ADAMTS12: variants seen among roughly 807,000 people sequenced by gnomAD.
The protein encoded by ADAMTS12 is ADAM metallopeptidase with thrombospondin type 1 motif 12.
Under a neutral mutation model 167.8 loss-of-function variants are expected in ADAMTS12, and 118 were observed. The observed-to-expected ratio is 0.70, with a 90% CI of 0.61 to 0.82. The LOEUF (loss-of-function observed/expected upper bound fraction) is 0.82, where lower values mean the gene tolerates loss of function less well. ADAMTS12 is among the 40% of genes least tolerant of loss of function. The probability of loss-of-function intolerance (pLI) is 0.00; values close to 1 mark genes in which losing one functional copy is unlikely to be tolerated. For synonymous variants in ADAMTS12, 704 were observed against 716.9 expected, an observed-to-expected ratio of 0.98 and a Z score of 0.29; for missense variants, 1,916 against 1,998.8, an observed-to-expected ratio of 0.96 and a Z score of 0.79.
intron 2 of ADAMTS12, among the ~76,000 whole-genome samples, chr5:33,856,091 T>C (rs1561310938): frequency 1.3e-5 from 2 of 152,180 alleles, no homozygotes; most frequent in South Asian, 2.1e-4. Context: ...AGTTCTTCAC[T>C]GGAGATAGAA....
chr5:33,591,924 C>T (rs554758864), intron 17 of ADAMTS12, among the ~76,000 whole-genome samples: 70 of 152,176 alleles, frequency 4.6e-4, no homozygotes, highest in Middle Eastern at 3.4e-3. Context: ...CAACAAAAAA[C>T]TATCCAGCCC....
At chr5:33,650,645 A>G (rs1264247409) in intron 7 of ADAMTS12, among the ~76,000 whole-genome samples, 1 of 152,196 alleles carries the variant, frequency 6.6e-6, no homozygotes, top group Non-Finnish European at 1.5e-5. Flanking sequence ...GGGCTGACCC[A>G]GTGAAGCAGC....
At chr5:33,864,896 G>C (rs1169658033) in intron 2 of ADAMTS12, among the ~76,000 whole-genome samples, 3 of 151,954 alleles carry the variant, frequency 2.0e-5, no homozygotes, top group Admixed American at 6.6e-5. Flanking sequence ...GTAGATGACA[G>C]GTTGATGGGT....
chr5:33,707,770 AC>A (rs1237133732), intron 3 of ADAMTS12, among the ~76,000 whole-genome samples: 1 of 152,140 alleles, frequency 6.6e-6, no homozygotes, highest in Non-Finnish European at 1.5e-5. Flanking sequence ...CTGAAACTGG[AC>A]CCCTTCCTTA....
chr5:33,641,174 C>G (rs1740428110), intron 11 of ADAMTS12, among the ~76,000 whole-genome samples: 1 of 151,756 alleles, frequency 6.6e-6, no homozygotes, highest in African/African-American at 2.4e-5. Context: ...TTAAATTTAC[C>G]TCATATATAA....
chr5:33,704,028 G>A (rs1411245127), intron 3 of ADAMTS12, among the ~76,000 whole-genome samples: 1 of 152,092 alleles, frequency 6.6e-6, no homozygotes, highest in African/African-American at 2.4e-5. Flanking sequence ...TTTGTTCCTT[G>A]TTTTTTGCAT....
At chr5:33,704,905 T>A (rs2112304476) in intron 3 of ADAMTS12, among the ~76,000 whole-genome samples, 1 of 151,784 alleles carries the variant, frequency 6.6e-6, no homozygotes, top group East Asian at 1.9e-4. Flanking sequence ...AAGAAATCAT[T>A]TCCCAGTCCA....
Position 33,526,979 on chromosome 5 carries a change from T to G in ADAMTS12, c.*209A>C. ...CCTGATTCTCCTAGCTATTTCACCT[T>G]CCTATCAGGGAGCAGCAAGTACGGC... is the stretch of plus-strand genomic sequence containing the variant. On this transcript the variant is annotated 3_prime_UTR_variant, in exon 24 of 24. Transcript: ENST00000504830. The G allele has an allele frequency of 1.7e-6, 1 of 573,150 alleles. No individual in the cohort carries two copies. Among genetic ancestry groups the G allele is most frequent in the South Asian group, 2.5e-5 (1 of 39,584 alleles). The allele number at this position is 573,150 out of a possible 1,614,324, so 35.5% of individuals were successfully genotyped here.
chr5:33,619,700 T>A (rs1579756623), intron 14 of ADAMTS12, among the ~76,000 whole-genome samples: 1 of 152,270 alleles, frequency 6.6e-6, no homozygotes, highest in African/African-American at 2.4e-5. Flanking sequence ...TTTATTTATT[T>A]ATTAATTTTT....
intron 7 of ADAMTS12, among the ~76,000 whole-genome samples, chr5:33,657,026 A>G (rs1017139471): frequency 1.3e-5 from 2 of 152,198 alleles, no homozygotes; most frequent in African/African-American, 2.4e-5. Flanking sequence ...GCCTAGTTCA[A>G]CCTACTCATT....
chr5:33,880,757 T>G (rs370387731), intron 2 of ADAMTS12: 1 of 232,604 alleles, frequency 4.3e-6, no homozygotes, highest in East Asian at 8.9e-5. Flanking sequence ...AGTCCAAATC[T>G]AGGTTCTGCT....
At chr5:33,775,318 T>C (rs1745878231) in intron 2 of ADAMTS12, among the ~76,000 whole-genome samples, 1 of 152,116 alleles carries the variant, frequency 6.6e-6, no homozygotes, top group African/African-American at 2.4e-5. Flanking sequence ...GAGAATAGGA[T>C]TTCTGAGGTG....
At chr5:33,671,976 TACTC>T (rs1741713514) in intron 5 of ADAMTS12, among the ~76,000 whole-genome samples, 1 of 119,752 alleles carries the variant, frequency 8.4e-6, no homozygotes, top group Admixed American at 9.2e-5. Flanking sequence ...CAAACTCACA[TACTC>T]ACATACACAC....
intron 3 of ADAMTS12, among the ~76,000 whole-genome samples, chr5:33,747,220 C>A (rs1025352281): frequency 2.6e-5 from 4 of 152,132 alleles, no homozygotes; most frequent in Admixed American, 2.0e-4. Context: ...GTAAAGTAAG[C>A]AAATAAAGTG....
intron 18 of ADAMTS12, among the ~76,000 whole-genome samples, chr5:33,578,540 T>C (rs970099030): frequency 6.6e-6 from 1 of 152,198 alleles, no homozygotes; most frequent in Non-Finnish European, 1.5e-5. Context: ...AGGATAGTTC[T>C]GAGGACACAG....
intron 1 of ADAMTS12, among the ~76,000 whole-genome samples, chr5:33,883,653 G>C (rs1357725022): frequency 6.6e-6 from 1 of 152,134 alleles, no homozygotes; most frequent in Non-Finnish European, 1.5e-5. Context: ...AAGTTTTCCA[G>C]AACACACTGG....
chr5:33,760,948 T>C (rs1216407277), intron 2 of ADAMTS12, among the ~76,000 whole-genome samples: 1 of 150,412 alleles, frequency 6.6e-6, no homozygotes, highest in Non-Finnish European at 1.5e-5. Context: ...CAGCAATCCA[T>C]AAACCCACAT....
chr5:33,690,102 T>C (rs1742497315), intron 3 of ADAMTS12, among the ~76,000 whole-genome samples: 1 of 152,228 alleles, frequency 6.6e-6, no homozygotes, highest in Admixed American at 6.5e-5. Flanking sequence ...TGGCAGGTCA[T>C]TGTGGCCTTC....
rs1192648885 is a variant in ADAMTS12, at chr5:33,802,029, TATAAGAAAGGCCCC to T, written c.490-50495_490-50482del. On this transcript the variant is annotated intron_variant, in intron 2 of 23. Coordinates refer to ENST00000504830, the MANE Select transcript of ADAMTS12 (RefSeq NM_030955.4). Reference sequence around the variant, plus strand: ...GCCCTCATGAATGAGATCAGTGCCTTATAAGAAAGGCCCCAGAGAGCTGCCTTCCCATTCTACCA... The same window carrying T: ...GCCCTCATGAATGAGATCAGTGCCTTAGAGAGCTGCCTTCCCATTCTACCA... 1.2e-4 allele frequency among the ~76,000 whole-genome samples: 18 copies of T among 152,284 alleles called. No individual in the cohort carries two copies. In the East Asian group the frequency reaches 3.5e-3, roughly 29 times the overall value.
Sources: gnomAD v4.1 joint callset for allele counts (sites outside exome capture counted in the v4.1 genomes callset) on GRCh38, gnomAD v4.1.1 for gene constraint, MANE v1.5 for transcripts, NCBI Gene and HGNC (gene_info 2026-07-23, HGNC 2026-07-21) for gene names.